The following TTC29 variants were observed in gnomAD, a reference collection of about 807,000 sequenced individuals.
The protein encoded by TTC29 is tetratricopeptide repeat domain 29.
TTC29 carries 49 observed loss-of-function variants against 58.1 expected under a neutral mutation model. The observed-to-expected ratio is 0.84, with a 90% CI of 0.67 to 1.07. The LOEUF (loss-of-function observed/expected upper bound fraction) is 1.07, where lower values mean the gene tolerates loss of function less well. TTC29 is among the 50% of genes least tolerant of loss of function. The pLI, the probability that TTC29 is intolerant of heterozygous loss-of-function variation, is 0.00. For synonymous variants in TTC29, 209 were observed against 196.8 expected (o/e 1.06, Z -0.52); for missense variants, 582 against 555.6 (o/e 1.05, Z -0.48).
intron 9 of TTC29, among the ~76,000 whole-genome samples, chr4:146,823,116 C>G (rs1751954921): frequency 6.6e-6 from 1 of 152,166 alleles, no homozygotes; most frequent in African/African-American, 2.4e-5. Flanking sequence ...AATTAGATCC[C>G]ATTTGTGAAT....
At chr4:146,821,425 T>C (rs1260977074) in intron 9 of TTC29, among the ~76,000 whole-genome samples, 9 of 152,128 alleles carry the variant, frequency 5.9e-5, no homozygotes, top group Admixed American at 3.9e-4. Flanking sequence ...TATGTCTCAC[T>C]AAAGCTGTTT....
intron 11 of TTC29, among the ~76,000 whole-genome samples, chr4:146,793,425 T>C (rs977930237): frequency 6.6e-6 from 1 of 152,220 alleles, no homozygotes; most frequent in Non-Finnish European, 1.5e-5. Context: ...TAGGCTCAGA[T>C]GACAATTAGC....
chr4:146,857,307 T>C (rs1031716107), intron 8 of TTC29, among the ~76,000 whole-genome samples: 10 of 151,518 alleles, frequency 6.6e-5, no homozygotes, highest in Non-Finnish European at 1.2e-4. Context: ...TGGAGGGTAA[T>C]GCTAAATAGA....
chr4:146,903,776 A>C, intron 5 of TTC29, 47 bp from the exon 6 acceptor site: 145 of 1,381,914 alleles, frequency 1.0e-4, no homozygotes, highest in Non-Finnish European at 1.3e-4. Context: ...AAGATGTCTC[A>C]TGGCACACCC....
Position 146,847,880 on chromosome 4 carries a change from G to A in TTC29, c.886-13983C>T, listed in dbSNP as rs375938121. ...ACCTGCTGTCAAACTGTGCAGCCTG[G>A]ATAACTCCAACACCAAAGTGGATGT... is the stretch of plus-strand genomic sequence containing the variant. On this transcript the variant is annotated intron_variant, in intron 8 of 12. Coordinates refer to ENST00000325106, the MANE Select transcript of TTC29 (RefSeq NM_031956.4). Among the ~76,000 whole-genome samples, 21 of 152,288 alleles carry A rather than the reference G, an allele frequency of 1.4e-4. No homozygotes were observed. The East Asian group carries it at 2.7e-3, about 20-fold the overall frequency.
At chr4:146,707,658 TATAAG>T (rs1426270162) in intron 11 of TTC29, 107 bp from the exon 12 acceptor site, 2 of 746,576 alleles carry the variant, frequency 2.7e-6, no homozygotes, top group Non-Finnish European at 4.4e-6. Flanking sequence ...CCTTATCACC[TATAAG>T]ATAAGGGTGT....
At chr4:146,829,646 G>A (rs980517947) in intron 9 of TTC29, among the ~76,000 whole-genome samples, 4 of 152,104 alleles carry the variant, frequency 2.6e-5, no homozygotes, top group African/African-American at 7.2e-5. Flanking sequence ...TTACTAGGGC[G>A]TGTCATTTCT....
At chr4:146,721,053 G>A (rs1743320138) in intron 11 of TTC29, among the ~76,000 whole-genome samples, 1 of 152,086 alleles carries the variant, frequency 6.6e-6, no homozygotes, top group Non-Finnish European at 1.5e-5. Flanking sequence ...ATAACCCTCT[G>A]AATTAGTGCA....
At chr4:146,847,448 C>T (rs1171723169) in intron 8 of TTC29, among the ~76,000 whole-genome samples, 1 of 152,124 alleles carries the variant, frequency 6.6e-6, no homozygotes, top group African/African-American at 2.4e-5. Flanking sequence ...ACAGGGAGGT[C>T]AGATGTAATG....
intron 6 of TTC29, among the ~76,000 whole-genome samples, chr4:146,885,008 C>T (rs947290117): frequency 6.6e-6 from 1 of 151,894 alleles, no homozygotes; most frequent in South Asian, 2.1e-4. Context: ...TGACAGCAAA[C>T]AAAGATGTTA....
chr4:146,839,625 A>G (rs1728728336), intron 8 of TTC29, among the ~76,000 whole-genome samples: 2 of 151,528 alleles, frequency 1.3e-5, no homozygotes, highest in Admixed American at 1.3e-4. Flanking sequence ...CACCACTGCA[A>G]TCAAGATACA....
intron 6 of TTC29, among the ~76,000 whole-genome samples, chr4:146,896,276 A>C (rs1169597513): frequency 6.6e-6 from 1 of 152,192 alleles, no homozygotes; most frequent in Non-Finnish European, 1.5e-5. Flanking sequence ...AGGAACCAGA[A>C]GTTTGCTCTA....
chr4:146,748,678 C>T (rs1745733222), intron 11 of TTC29, among the ~76,000 whole-genome samples: 1 of 152,182 alleles, frequency 6.6e-6, no homozygotes, highest in Non-Finnish European at 1.5e-5. Context: ...CATCACGGTG[C>T]CCACATGGAA....
At chr4:146,927,893 G>C (rs757416747) in intron 4 of TTC29, among the ~76,000 whole-genome samples, 10 of 152,144 alleles carry the variant, frequency 6.6e-5, no homozygotes, top group Non-Finnish European at 8.8e-5. Flanking sequence ...GGTGAGCTAA[G>C]CACTGTATGA....
intron 11 of TTC29, among the ~76,000 whole-genome samples, chr4:146,777,538 T>C (rs1314558104): frequency 6.6e-6 from 1 of 152,204 alleles, no homozygotes; most frequent in African/African-American, 2.4e-5. Flanking sequence ...TACTATTTCC[T>C]TCATATTACT....
intron 4 of TTC29, among the ~76,000 whole-genome samples, chr4:146,928,621 A>C (rs1028388500): frequency 3.3e-5 from 5 of 152,220 alleles, no homozygotes; most frequent in African/African-American, 9.6e-5. Context: ...CTAGTTGCTC[A>C]GGTCAGTTCA....
chr4:146,859,987 G>A (rs1730122333), intron 8 of TTC29, among the ~76,000 whole-genome samples: 1 of 151,994 alleles, frequency 6.6e-6, no homozygotes, highest in Non-Finnish European at 1.5e-5. Context: ...ATTTATTTGG[G>A]TTGCATAATG....
At chr4:146,723,891 G>T (rs911607844) in intron 11 of TTC29, among the ~76,000 whole-genome samples, 4 of 152,196 alleles carry the variant, frequency 2.6e-5, no homozygotes, top group African/African-American at 4.8e-5. Context: ...ATATCTAAAA[G>T]AATATAAATT....
chr4:146,777,914 T>C (rs1474099496), intron 11 of TTC29, among the ~76,000 whole-genome samples: 2 of 152,204 alleles, frequency 1.3e-5, no homozygotes, highest in Non-Finnish European at 2.9e-5. Context: ...TGAGAGAAGA[T>C]TGCTCAATGA....
Sources: gnomAD v4.1 joint callset for allele counts (sites outside exome capture counted in the v4.1 genomes callset) on GRCh38, gnomAD v4.1.1 for gene constraint, MANE v1.5 for transcripts, NCBI Gene and HGNC (gene_info 2026-07-23, HGNC 2026-07-21) for gene names.